Variants in SMAP2 observed in about 807,000 individuals in gnomAD.
SMAP2 encodes small ArfGAP2.
SMAP2 carries 25 observed loss-of-function variants against 56.4 expected under a neutral mutation model. The ratio of observed to expected loss-of-function variants is 0.44; its 90% confidence interval spans 0.32 to 0.62. The LOEUF (loss-of-function observed/expected upper bound fraction) is 0.62, where lower values mean the gene tolerates loss of function less well. Among genes scored for constraint, SMAP2 ranks in the 20% least tolerant of loss-of-function variants. The pLI is 0.04. For synonymous variants in SMAP2, 157 were observed against 181.7 expected, an observed-to-expected ratio of 0.86 and a Z score of 1.09; for missense variants, 388 against 545.6, an observed-to-expected ratio of 0.71 and a Z score of 2.88.
chr1:40,354,061 A>T (rs1158178252), intron 1 of SMAP2, among the ~76,000 whole-genome samples: 2 of 152,074 alleles, frequency 1.3e-5, no homozygotes, highest in Non-Finnish European at 2.9e-5. Flanking sequence ...ATCAATGTAA[A>T]CCACTCCCTT....
chr1:40,374,534 A>G lies in SMAP2; in HGVS notation c.103+311A>G. 1.1e-6 allele frequency: 1 copy of G among 939,114 alleles called. No individual in the cohort carries two copies. The highest frequency in any genetic ancestry group is 1.7e-6 in the Non-Finnish European group (1 of 603,346). The allele number at this position is 939,114 out of a possible 1,614,324, so 58.2% of individuals were successfully genotyped here. ...TGAGTTCTGGGCCGGCTGTCCAGAG[A>G]GAGCTCCCAGCATGTCACTTGCAAA... On this transcript the variant is annotated intron_variant, in intron 1 of 9. Coordinates refer to ENST00000372718, the MANE Select transcript of SMAP2 (RefSeq NM_022733.3). This position sits in a 1 kb window ranked among gnomAD's most constrained non-coding sequence, Gnocchi z 5.9.
intron 1 of SMAP2, among the ~76,000 whole-genome samples, chr1:40,358,090 C>A (rs1376123543): frequency 6.6e-6 from 1 of 151,780 alleles, no homozygotes; most frequent in South Asian, 2.1e-4. Flanking sequence ...TTTTTTGTGT[C>A]ATCTTGATTT....
intron 1 of SMAP2, chr1:40,393,349 A>G: frequency 6.5e-7 from 1 of 1,532,174 alleles, no homozygotes; most frequent in South Asian, 1.2e-5. Flanking sequence ...ACAACCACAA[A>G]TGAGTGAGTG....
intron 2 of SMAP2, among the ~76,000 whole-genome samples, chr1:40,407,505 T>A (rs1425950361): frequency 6.6e-6 from 1 of 152,016 alleles, no homozygotes; most frequent in Non-Finnish European, 1.5e-5. Flanking sequence ...AATAAATAAA[T>A]AAAAATTCAC....
At chr1:40,370,677 AG>A (rs1644492510), upstream of SMAP2, among the ~76,000 whole-genome samples, 1 of 114,202 alleles carries the variant, frequency 8.8e-6, no homozygotes, top group East Asian at 2.5e-4. Flanking sequence ...GGACACAGGA[AG>A]GGGAATATCA....
Position 40,347,770 on chromosome 1 carries a change from A to G in SMAP2, c.-83+2860A>G, listed in dbSNP as rs951972797. ...AGTGTAGTGTTTTAGGATATTAACA[A>G]TTCGGCATATTTGTGGTACATATTC... On this transcript the variant is annotated intron_variant, in intron 1 of 6. Coordinates refer to the SMAP2 transcript ENST00000435168. Among the ~76,000 whole-genome samples the G allele has an allele frequency of 5.9e-5, 9 of 152,212 alleles. No individual in the cohort carries two copies. In the East Asian group the frequency reaches 7.7e-4, roughly 13 times the overall value.
upstream of SMAP2, among the ~76,000 whole-genome samples, chr1:40,373,095 C>T (rs1193105797): frequency 1.3e-5 from 2 of 152,202 alleles, no homozygotes; most frequent in African/African-American, 4.8e-5. Flanking sequence ...CCACAAAAAA[C>T]TCGCTGTTTT....
intron 4 of SMAP2, among the ~76,000 whole-genome samples, chr1:40,412,574 A>T (rs1569914225): frequency 6.6e-6 from 1 of 152,334 alleles, no homozygotes; most frequent in East Asian, 1.9e-4. Context: ...TAAAAAAATG[A>T]ATATTGAGAG....
At chr1:40,387,256 T>A (rs981247616) in intron 1 of SMAP2, among the ~76,000 whole-genome samples, 1 of 152,356 alleles carries the variant, frequency 6.6e-6, no homozygotes, top group East Asian at 1.9e-4. Context: ...TTTCATGACA[T>A]TAAAAACGTG....
chr1:40,421,994 G>A lies in SMAP2; in HGVS notation c.1183G>A (p.Gly395Arg). The A allele has an allele frequency of 1.2e-6, 2 of 1,614,186 alleles. No homozygotes were observed. The highest frequency in any genetic ancestry group is 1.7e-6 in the Non-Finnish European group (2 of 1,180,036). The change falls in exon 10 of 10, where the codon GGG (glycine) becomes AGG (arginine). Residue 395 changes from glycine (G) to arginine (R), a missense_variant. Physicochemically the swap from Gly to Arg is moderately radical, Grantham distance 125. Transcript: ENST00000372718. ...CTTTCAGATGACCCAGCAGATGGCT[G>A]GGATGAACTTCTATGGAGCCAATGG... is the stretch of plus-strand genomic sequence containing the variant. ...NLTQMTQQMA[G>R]MNFYGANGMM... is the part of the protein sequence containing the mutation.
In SMAP2 at chr1:40,416,719, G is replaced by A. The variant is rs1644990915; in HGVS notation, c.848-61G>A. On this transcript the variant is annotated intron_variant, in intron 8 of 9. Transcript: ENST00000372718. ...AGCTGGAAAGGGTTAGCCAGGGAGA[G>A]TTCGGGCTGACTTTATGTTTTTCCC... is the stretch of plus-strand genomic sequence containing the variant. 2.6e-6 allele frequency: 4 copies of A among 1,509,958 alleles called. No homozygotes were observed. The South Asian group carries it at 3.8e-5, about 14-fold the overall frequency. 93.5% of individuals were successfully genotyped at this position (1,509,958 alleles called of 1,614,324 possible). A position where few individuals can be genotyped will look rare whatever the true frequency, so the allele number is the denominator to read the frequency against.
chr1:40,374,286 G>C lies in SMAP2; in HGVS notation c.103+63G>C. 2 of 1,388,676 alleles carry C rather than the reference G, an allele frequency of 1.4e-6. No individual in the cohort carries two copies. The highest frequency in any genetic ancestry group is 2.0e-6 in the Non-Finnish European group (2 of 994,282). 86.0% of individuals were successfully genotyped at this position (1,388,676 alleles called of 1,614,324 possible). ...CGCCGGGGTGGTGGGGGTGGGCTGC[G>C]TGAAGAGGCGGTTTCTGAAGCTTAG... On this transcript the variant is annotated intron_variant, in intron 1 of 9. Transcript: ENST00000372718. This position sits in a 1 kb window ranked among gnomAD's most constrained non-coding sequence, Gnocchi z 5.9.
intron 8 of SMAP2, 39 bp from the exon 9 acceptor site, chr1:40,416,741 T>C (rs1470636511): frequency 6.4e-7 from 1 of 1,563,324 alleles, no homozygotes; most frequent in South Asian, 1.2e-5. Flanking sequence ...TTTATGTTTT[T>C]CCCTCTTTAA....
Position 40,422,088 on chromosome 1 carries a change from A to G in SMAP2, c.1277A>G (p.Gln426Arg). Residue 426 changes from glutamine to arginine, a missense_variant, in exon 10 of 10, where the codon CAG becomes CGG. By Grantham distance (43) the Gln-to-Arg change is conservative (BLOSUM62 1). Coordinates refer to ENST00000372718, the MANE Select transcript of SMAP2 (RefSeq NM_022733.3). ...GQAANQTLSPQMWK is the reference protein window; with the variant it reads ...GQAANQTLSPRMWK ...GCAGCAAATCAGACTCTCAGTCCTC[A>G]GATGTGGAAATAAAAACAAAACACC... 1.2e-6 allele frequency: 2 copies of G among 1,614,108 alleles called. No homozygotes were observed. The highest frequency in any genetic ancestry group is 1.6e-4 in the Middle Eastern group (1 of 6,062).
intron 1 of SMAP2, among the ~76,000 whole-genome samples, chr1:40,382,208 A>G (rs1267002067): frequency 6.6e-6 from 1 of 152,164 alleles, no homozygotes; most frequent in African/African-American, 2.4e-5. Flanking sequence ...TGTTCATCAC[A>G]TGAGTCATTG....
At chr1:40,373,288 A>G (rs1001849872), upstream of SMAP2, among the ~76,000 whole-genome samples, 9 of 152,086 alleles carry the variant, frequency 5.9e-5, no homozygotes, top group African/African-American at 2.2e-4. Flanking sequence ...ATCCTGGGTT[A>G]GGGGCTTGGA....
At chr1:40,347,231 T>C (rs1351116702) in intron 1 of SMAP2, among the ~76,000 whole-genome samples, 9 of 112,876 alleles carry the variant, frequency 8.0e-5, no homozygotes, top group Non-Finnish European at 5.1e-5. Context: ...TGTGTGTTTG[T>C]GTGTGTGTGT....
At chr1:40,347,022 CTATTTATTTATTTATT>C (rs66542909) in intron 1 of SMAP2, among the ~76,000 whole-genome samples, 110 of 143,448 alleles carry the variant, frequency 7.7e-4, no homozygotes, top group Non-Finnish European at 1.1e-3. Flanking sequence ...GCTTAAAAAT[CTATTTATTTATTTATT>C]TATTTATTTA....
At chr1:40,362,148 G>A (rs765136440) in intron 1 of SMAP2, among the ~76,000 whole-genome samples, 1 of 152,156 alleles carries the variant, frequency 6.6e-6, no homozygotes, top group African/African-American at 2.4e-5. Context: ...ACAGTCAAGA[G>A]GGCCACTGTC....
Sources: gnomAD v4.1 joint callset for allele counts (sites outside exome capture counted in the v4.1 genomes callset) on GRCh38, gnomAD v4.1.1 for gene constraint, Gnocchi (gnomAD v3.1) non-coding constraint, MANE v1.5 for transcripts, NCBI Gene and HGNC (gene_info 2026-07-23, HGNC 2026-07-21) for gene names.